Variants in OSBPL6 observed in about 807,000 individuals in gnomAD.
OSBPL6 encodes oxysterol binding protein like 6.
OSBPL6 carries 49 observed loss-of-function variants against 125.8 expected under a neutral mutation model. The ratio of observed to expected loss-of-function variants is 0.39; its 90% confidence interval spans 0.31 to 0.49. The LOEUF is 0.49. Ranked by LOEUF, OSBPL6 falls within the 20% of genes least tolerant of loss-of-function variation. The pLI is 0.88. For synonymous variants in OSBPL6, 394 were observed against 391.8 expected (o/e 1.01, Z -0.07); for missense variants, 986 against 1,135.4 (o/e 0.87, Z 1.89).
At chr2:178,317,992 A>C (rs1016140736) in intron 3 of OSBPL6, among the ~76,000 whole-genome samples, 1 of 152,100 alleles carries the variant, frequency 6.6e-6, no homozygotes, top group Non-Finnish European at 1.5e-5. Flanking sequence ...ATGTGCTTAT[A>C]CTCTGGTTGC....
intron 20 of OSBPL6, among the ~76,000 whole-genome samples, chr2:178,387,507 G>T (rs1275997418): frequency 2.0e-5 from 3 of 152,212 alleles, no homozygotes; most frequent in South Asian, 2.1e-4. Flanking sequence ...TATCAAAGAA[G>T]AGTGATGAAA....
rs2154075529 is a variant in OSBPL6, at chr2:178,328,263, A to T, written c.203A>T (p.Asp68Val). ...PEPVPLSKEA[D>V]SWEIIEGLKI... ...TTTCTTCTTTTCTCTCAGGAAGCTG[A>T]CAGCTGGGAAATTATAGAAGGGCTG... is the stretch of plus-strand genomic sequence containing the variant. Residue 68 changes from aspartate to valine, a missense_variant, in exon 5 of 25, where the codon GAC (aspartate) becomes GTC (valine). By Grantham distance (152) the Asp-to-Val change is radical (BLOSUM62 -3). Around this residue, in one of 3 missense-constraint regions of OSBPL6, gnomAD observed 130 missense variants for 106.4 expected, o/e 1.22. Transcript: ENST00000190611. 1 of 1,613,588 alleles carries T rather than the reference A, an allele frequency of 6.2e-7. No homozygotes were observed. The highest frequency in any genetic ancestry group is 1.3e-5 in the African/African-American group (1 of 75,014).
chr2:178,281,894 C>T (rs67128474), intron 1 of OSBPL6, among the ~76,000 whole-genome samples: 4 of 151,946 alleles, frequency 2.6e-5, no homozygotes, highest in Non-Finnish European at 5.9e-5. Context: ...AGCAAACCAC[C>T]GTGGCACACA....
At chr2:178,347,942 G>T (rs1690880070) in intron 11 of OSBPL6, among the ~76,000 whole-genome samples, 1 of 152,122 alleles carries the variant, frequency 6.6e-6, no homozygotes, top group Non-Finnish European at 1.5e-5. Context: ...GTAAGTCCTG[G>T]ATATCTTTTA....
intron 1 of OSBPL6, among the ~76,000 whole-genome samples, chr2:178,216,075 C>T (rs1297251631): frequency 6.6e-6 from 1 of 152,186 alleles, no homozygotes; most frequent in African/African-American, 2.4e-5. Flanking sequence ...AAAATCAATC[C>T]ATAGGACCTT....
chr2:178,273,691 A>G (rs1003180415), intron 1 of OSBPL6, among the ~76,000 whole-genome samples: 4 of 152,252 alleles, frequency 2.6e-5, no homozygotes, highest in African/African-American at 9.6e-5. Flanking sequence ...AACAAATACT[A>G]CTGTTTATAC....
intron 13 of OSBPL6, among the ~76,000 whole-genome samples, chr2:178,369,391 A>T (rs1693165161): frequency 6.6e-6 from 1 of 152,118 alleles, no homozygotes. Flanking sequence ...CCAAACCCAG[A>T]ATTATTTTTG....
intron 1 of OSBPL6, among the ~76,000 whole-genome samples, chr2:178,258,024 C>T (rs780992477): frequency 6.6e-6 from 1 of 152,088 alleles, no homozygotes; most frequent in Non-Finnish European, 1.5e-5. Context: ...CTCCTGGGTT[C>T]AAGTGATCCT....
At chr2:178,373,410 T>C (rs1311823086) in intron 14 of OSBPL6, among the ~76,000 whole-genome samples, 1 of 152,250 alleles carries the variant, frequency 6.6e-6, no homozygotes, top group Non-Finnish European at 1.5e-5. Flanking sequence ...GAAATAAGGT[T>C]CAATATTCCA....
chr2:178,198,617 C>CATAAATAAATAA (rs35367535), intron 1 of OSBPL6, among the ~76,000 whole-genome samples: 34,180 of 137,086 alleles, frequency 0.25, 4,659 homozygotes, highest in Admixed American at 0.34. Flanking sequence ...GACTCCATCT[C>CATAAATAAATAA]ATAAATAAAT....
intron 4 of OSBPL6, 114 bp downstream of exon 4, chr2:178,324,383 T>C: frequency 1.5e-6 from 1 of 685,804 alleles, no homozygotes; most frequent in Non-Finnish European, 2.4e-6. Context: ...ATGCCACTTG[T>C]AGGCAACTCT....
chr2:178,395,064 C>G (rs1235507895), intron 24 of OSBPL6, among the ~76,000 whole-genome samples: 3 of 152,006 alleles, frequency 2.0e-5, no homozygotes, highest in East Asian at 1.9e-4. Flanking sequence ...GGACATGGGC[C>G]CAGTAGGGGC....
chr2:178,267,817 CA>C (rs71023437), intron 1 of OSBPL6, among the ~76,000 whole-genome samples: 87,178 of 132,934 alleles, frequency 0.66, 27,575 homozygotes, highest in East Asian at 0.84. Flanking sequence ...CAAGTAATTG[CA>C]AAAAAAAAAA....
intron 1 of OSBPL6, among the ~76,000 whole-genome samples, chr2:178,195,422 T>C (rs1265697108): frequency 6.6e-6 from 1 of 152,188 alleles, no homozygotes; most frequent in African/African-American, 2.4e-5. Flanking sequence ...TCGCCGGGGA[T>C]GCTGGGGGAG....
chr2:178,223,206 A>G (rs79925222), intron 1 of OSBPL6, among the ~76,000 whole-genome samples: 312 of 152,362 alleles, frequency 2.0e-3, no homozygotes, highest in Non-Finnish European at 3.7e-3. Context: ...TCAACCTGTT[A>G]TGTGAAAAGT....
chr2:178,241,128 T>G (rs574911430), intron 1 of OSBPL6, among the ~76,000 whole-genome samples: 59 of 152,138 alleles, frequency 3.9e-4, no homozygotes, highest in Non-Finnish European at 7.2e-4. Context: ...TGTATTCATA[T>G]TCACGGTAGA....
At chr2:178,350,367 T>C (rs1252231367) in intron 12 of OSBPL6, among the ~76,000 whole-genome samples, 2 of 152,166 alleles carry the variant, frequency 1.3e-5, no homozygotes, top group Non-Finnish European at 2.9e-5. Flanking sequence ...TTTTAAAATC[T>C]TCTAGAGAGA....
chr2:178,339,108 T>A lies in OSBPL6; in HGVS notation c.894+14T>A. The A allele has an allele frequency of 6.5e-7, 1 of 1,528,278 alleles. No homozygotes were observed. Among genetic ancestry groups the A allele is most frequent in the East Asian group, 2.3e-5 (1 of 44,230 alleles). 94.7% of individuals were successfully genotyped at this position (1,528,278 alleles called of 1,614,324 possible). A position where few individuals can be genotyped will look rare whatever the true frequency, so the allele number is the denominator to read the frequency against. ...ACTGACATGCAGGTAAACATATTCC[T>A]GCTGCTGGTAAAAGGACTTAGGGTA... On this transcript the variant is annotated intron_variant, in intron 10 of 24. Transcript: ENST00000190611.
At chr2:178,377,576 A>G (rs1316536344) in intron 15 of OSBPL6, among the ~76,000 whole-genome samples, 3 of 152,174 alleles carry the variant, frequency 2.0e-5, no homozygotes, top group African/African-American at 7.2e-5. Flanking sequence ...TGAGTTGACT[A>G]TACATGTGGG....
Sources: gnomAD v4.1 joint callset for allele counts (sites outside exome capture counted in the v4.1 genomes callset) on GRCh38, gnomAD v4.1.1 for gene constraint, gnomAD v4.1.1 regional missense constraint, MANE v1.5 for transcripts, NCBI Gene and HGNC (gene_info 2026-07-23, HGNC 2026-07-21) for gene names.